TP73: variants seen among roughly 807,000 people sequenced by gnomAD.
TP73 encodes tumor protein p73, also known as p53-like transcription factor.
In TP73, 25 loss-of-function variants were observed where a neutral mutation model predicts 62.5. The observed-to-expected ratio is 0.40, with a 90% CI of 0.29 to 0.56. The LOEUF is 0.56. TP73 is among the 20% of genes least tolerant of loss of function. The pLI is 0.46. For synonymous variants in TP73, 423 were observed against 377.5 expected (o/e 1.12, Z -1.40); for missense variants, 754 against 913.3 (o/e 0.83, Z 2.25).
chr1:3,671,699 G>C (rs1478118214), intron 1 of TP73, among the ~76,000 whole-genome samples: 1 of 152,234 alleles, frequency 6.6e-6, no homozygotes, highest in Non-Finnish European at 1.5e-5. Flanking sequence ...CTTCCCGCTG[G>C]GTTCCTCTGA....
chr1:3,719,366 C>T (rs976520602), intron 4 of TP73, among the ~76,000 whole-genome samples: 2 of 152,230 alleles, frequency 1.3e-5, no homozygotes, highest in African/African-American at 2.4e-5. Context: ...GCCCTGGCCT[C>T]GGAGAAGCCT....
intron 3 of TP73, among the ~76,000 whole-genome samples, chr1:3,697,148 G>A (rs546970280): frequency 2.8e-5 from 3 of 107,682 alleles, no homozygotes; most frequent in African/African-American, 6.2e-5. Flanking sequence ...GGGCCCCTGC[G>A]GGGCCCACCT....
chr1:3,699,846 C>A lies in TP73; in HGVS notation c.187-7703C>A, dbSNP rs1227751213. On this transcript the variant is annotated intron_variant, in intron 3 of 13. Coordinates refer to ENST00000378295, the MANE Select transcript of TP73 (RefSeq NM_005427.4). This position sits in a 1 kb window ranked among gnomAD's most constrained non-coding sequence, Gnocchi z 4.1. ...AGCTGACATCCCTACTACGCTTTTT[C>A]ACGTGCCTCCCTCTCTGACTCGGAT... is the stretch of plus-strand genomic sequence containing the variant. Among the ~76,000 whole-genome samples the A allele has an allele frequency of 6.6e-6, 1 of 152,082 alleles. No individual in the cohort carries two copies. The highest frequency in any genetic ancestry group is 2.4e-5 in the African/African-American group (1 of 41,422).
intron 4 of TP73, among the ~76,000 whole-genome samples, chr1:3,717,514 C>T (rs893221391): frequency 5.3e-5 from 8 of 152,216 alleles, no homozygotes; most frequent in Admixed American, 3.9e-4. Flanking sequence ...TGAAACACAT[C>T]CATCTAGCGG....
rs1642418857 is a variant in TP73, at chr1:3,735,664, A to T, written c.*2585A>T. The T allele has an allele frequency of 6.6e-6, 1 of 152,216 alleles. No individual in the cohort carries two copies. The highest frequency in any genetic ancestry group is 2.4e-5 in the African/African-American group (1 of 41,448). 9.4% of individuals were successfully genotyped at this position (152,216 alleles called of 1,614,324 possible). The stretch of plus-strand genomic sequence containing the variant: ...TAAACAAATCAACAAATAAATCTTG[A>T]AGGCGGATGGTTTTCCCAGCAGTGC... On this transcript the variant is annotated 3_prime_UTR_variant, in exon 14 of 14. Coordinates refer to ENST00000378295, the MANE Select transcript of TP73 (RefSeq NM_005427.4).
At chr1:3,677,837 G>A (rs1364907496) in intron 1 of TP73, among the ~76,000 whole-genome samples, 1 of 151,986 alleles carries the variant, frequency 6.6e-6, no homozygotes, top group Admixed American at 6.6e-5. Flanking sequence ...TGGACTGCAG[G>A]CACATGCCAT....
intron 6 of TP73, among the ~76,000 whole-genome samples, chr1:3,725,045 A>C (rs891839562): frequency 6.6e-6 from 1 of 151,820 alleles, no homozygotes; most frequent in Non-Finnish European, 1.5e-5. Context: ...GTTTTGGTTC[A>C]TGTCTCAGCT....
At chr1:3,673,720 T>C (rs566243801) in intron 1 of TP73, among the ~76,000 whole-genome samples, 3 of 152,312 alleles carry the variant, frequency 2.0e-5, no homozygotes, top group Admixed American at 2.0e-4. Flanking sequence ...AACACATATA[T>C]GACAGCAAGA....
intron 3 of TP73, among the ~76,000 whole-genome samples, chr1:3,690,226 C>T (rs1018812629): frequency 2.0e-5 from 3 of 152,212 alleles, no homozygotes; most frequent in Non-Finnish European, 4.4e-5. Context: ...CACCTGTCTC[C>T]CTCGGGGGTC....
intron 1 of TP73, among the ~76,000 whole-genome samples, chr1:3,669,553 G>T (rs1384219330): frequency 6.6e-6 from 1 of 152,248 alleles, no homozygotes; most frequent in Admixed American, 6.5e-5. Flanking sequence ...GGGCTTCCCG[G>T]CTGGGGGCCG....
intron 4 of TP73, among the ~76,000 whole-genome samples, chr1:3,719,100 T>C (rs1165234366): frequency 2.0e-5 from 3 of 152,076 alleles, no homozygotes; most frequent in Non-Finnish European, 4.4e-5. Flanking sequence ...CCCCTGAGAC[T>C]CTGACCTGAG....
intron 3 of TP73, chr1:3,690,834 G>A (rs1645798986): frequency 6.5e-7 from 1 of 1,546,780 alleles, no homozygotes; most frequent in Non-Finnish European, 8.7e-7. Flanking sequence ...CTTCCCCTCG[G>A]GCCGCCCAGA....
intron 4 of TP73, among the ~76,000 whole-genome samples, chr1:3,711,431 G>A (rs931005750): frequency 1.1e-4 from 16 of 152,248 alleles, no homozygotes; most frequent in African/African-American, 3.4e-4. Context: ...GGAGGCCCTC[G>A]GGGCAGAGAA....
At chr1:3,674,625 G>T (rs1030780837) in intron 1 of TP73, among the ~76,000 whole-genome samples, 2 of 152,238 alleles carry the variant, frequency 1.3e-5, no homozygotes, top group African/African-American at 4.8e-5. Context: ...GTCGGGAGGG[G>T]CAGGCAATGC....
intron 3 of TP73, among the ~76,000 whole-genome samples, chr1:3,689,203 G>A (rs1645744247): frequency 6.6e-6 from 1 of 152,084 alleles, no homozygotes; most frequent in Admixed American, 6.5e-5. Context: ...TCTCCTGCAA[G>A]GAGGCTGCTG....
chr1:3,726,659 T>G (rs868347786), intron 6 of TP73, among the ~76,000 whole-genome samples: 142 of 93,968 alleles, frequency 1.5e-3, no homozygotes, highest in Middle Eastern at 0.012. Flanking sequence ...ATGGATGGAT[T>G]GATTGATATT....
chr1:3,679,361 G>T (rs941288646), intron 1 of TP73, among the ~76,000 whole-genome samples: 17 of 152,216 alleles, frequency 1.1e-4, no homozygotes, highest in African/African-American at 3.6e-4. Context: ...GGAACCCCTG[G>T]ACCTCCAGTA....
rs756996284 is a variant in TP73 at position 3,707,821 on chromosome 1, G to A, written c.429+30G>A. On this transcript the variant is annotated intron_variant, in intron 4 of 13. Coordinates refer to ENST00000378295, the MANE Select transcript of TP73 (RefSeq NM_005427.4). ...GTTCCCCTAGTCCCTGAGGGCTGCGGGCTGCGGGCTGCGGGCTGGAGAGGA... is the reference window on the plus strand; with the variant it reads ...GTTCCCCTAGTCCCTGAGGGCTGCGAGCTGCGGGCTGCGGGCTGGAGAGGA... 5.6e-6 allele frequency: 9 copies of A among 1,593,578 alleles called. No homozygotes were observed. The South Asian group carries it at 1.0e-4, about 18-fold the overall frequency.
At chr1:3,661,245 A>G (rs1214116873) in intron 1 of TP73, among the ~76,000 whole-genome samples, 2 of 152,224 alleles carry the variant, frequency 1.3e-5, no homozygotes, top group South Asian at 2.1e-4. Flanking sequence ...AGGGTCAAAA[A>G]GACTTAATTT....
Sources: gnomAD v4.1 joint callset for allele counts (sites outside exome capture counted in the v4.1 genomes callset) on GRCh38, gnomAD v4.1.1 for gene constraint, Gnocchi (gnomAD v3.1) non-coding constraint, MANE v1.5 for transcripts, NCBI Gene and HGNC (gene_info 2026-07-23, HGNC 2026-07-21) for gene names.